PLCB4: variants seen among roughly 807,000 people sequenced by gnomAD.
The protein encoded by PLCB4 is phospholipase C beta 4.
A neutral mutation model predicts 178.8 loss-of-function variants in PLCB4; 77 were observed. The observed-to-expected ratio is 0.43, with a 90% CI of 0.36 to 0.52. PLCB4 has a LOEUF of 0.52. Ranked by LOEUF, PLCB4 falls within the 20% of genes least tolerant of loss-of-function variation. PLCB4 has a pLI of 0.00. For missense variants in PLCB4, 1,024 were observed against 1,453.4 expected (o/e 0.70, Z 4.80); for synonymous variants, 496 against 490.8 (o/e 1.01, Z -0.14).
At chr20:9,187,453 G>A (rs1459889486) in intron 2 of PLCB4, among the ~76,000 whole-genome samples, 1 of 152,116 alleles carries the variant, frequency 6.6e-6, no homozygotes, top group Non-Finnish European at 1.5e-5. Context: ...TTTTCGTGGT[G>A]TGCGTTGCTT....
chr20:9,434,647 A>G (rs2041650129), intron 28 of PLCB4, among the ~76,000 whole-genome samples: 1 of 152,234 alleles, frequency 6.6e-6, no homozygotes, highest in East Asian at 1.9e-4. Context: ...AAGTACTGGG[A>G]TTACCGGCGT....
rs569987982 is a variant in PLCB4, at chr20:9,470,384, G to A, written c.3350+1712G>A. Among the ~76,000 whole-genome samples, 299 of 151,606 alleles carry A rather than the reference G, an allele frequency of 2.0e-3. 1 individual carries two copies. Among genetic ancestry groups the A allele is most frequent in the Admixed American group, 3.3e-3 (50 of 15,206 alleles). On this transcript the variant is annotated intron_variant, in intron 36 of 39. Coordinates refer to ENST00000378473, the MANE Select transcript of PLCB4 (RefSeq NM_001377142.1). Reference sequence around the variant, plus strand: ...TTCTCTGGATGTTATTCTCAGATAAGCAACTTTGTTTAAGGGCCTTATATA... The same window carrying A: ...TTCTCTGGATGTTATTCTCAGATAAACAACTTTGTTTAAGGGCCTTATATA...
At chr20:9,135,010 G>C (rs1166259700) in intron 2 of PLCB4, among the ~76,000 whole-genome samples, 1 of 152,004 alleles carries the variant, frequency 6.6e-6, no homozygotes, top group Admixed American at 6.6e-5. Flanking sequence ...GAAGATAATA[G>C]CTTTCAAGGC....
intron 2 of PLCB4, among the ~76,000 whole-genome samples, chr20:9,204,739 T>C (rs371105455): frequency 2.0e-5 from 3 of 152,118 alleles, no homozygotes; most frequent in African/African-American, 7.2e-5. Context: ...TTAAAGAGAC[T>C]GCCACTGGAT....
chr20:9,452,119 T>C (rs1334111054), intron 32 of PLCB4, among the ~76,000 whole-genome samples: 2 of 152,256 alleles, frequency 1.3e-5, no homozygotes, highest in Non-Finnish European at 2.9e-5. Flanking sequence ...ACAAGAATGC[T>C]GAGGCCTTGT....
intron 2 of PLCB4, among the ~76,000 whole-genome samples, chr20:9,209,121 A>C (rs2093645349): frequency 6.6e-6 from 1 of 152,120 alleles, no homozygotes; most frequent in African/African-American, 2.4e-5. Context: ...TAGTTTCATA[A>C]GATTTAGTTT....
At chr20:9,101,492 G>A (rs750799013) in intron 2 of PLCB4, among the ~76,000 whole-genome samples, 8 of 152,110 alleles carry the variant, frequency 5.3e-5, no homozygotes, top group Non-Finnish European at 1.2e-4. Flanking sequence ...GAAAGATGGA[G>A]CATAAATTAT....
At chr20:9,279,861 A>C (rs2094479337) in intron 3 of PLCB4, among the ~76,000 whole-genome samples, 1 of 152,054 alleles carries the variant, frequency 6.6e-6, no homozygotes, top group South Asian at 2.1e-4. Context: ...CATTTAAAAT[A>C]ATACTACCAG....
intron 28 of PLCB4, among the ~76,000 whole-genome samples, chr20:9,435,148 TATC>T (rs2041681356): frequency 6.6e-6 from 1 of 152,222 alleles, no homozygotes; most frequent in Non-Finnish European, 1.5e-5. Flanking sequence ...CTCATTGAAT[TATC>T]ATGATTATTC....
Position 9,386,323 on chromosome 20 carries a change from T to C in PLCB4, c.1065-1140T>C, listed in dbSNP as rs187275360. ...TTTATTTGATGTAAAAGTTCAAAAA[T>C]TTAGTTCTCTGAGAGTAGAAATTAT... On this transcript the variant is annotated intron_variant, in intron 14 of 39. Coordinates refer to ENST00000378473, the MANE Select transcript of PLCB4 (RefSeq NM_001377142.1). Among the ~76,000 whole-genome samples, 32 of 152,280 alleles carry C rather than the reference T, an allele frequency of 2.1e-4. No homozygotes were observed. The East Asian group carries it at 5.6e-3, about 27-fold the overall frequency.
chr20:9,179,132 A>C (rs1295016555), intron 2 of PLCB4, among the ~76,000 whole-genome samples: 1 of 152,192 alleles, frequency 6.6e-6, no homozygotes, highest in African/African-American at 2.4e-5. Context: ...ATTATGGGTA[A>C]TGGGATATCA....
intron 2 of PLCB4, among the ~76,000 whole-genome samples, chr20:9,116,809 G>A (rs532996580): frequency 2.0e-5 from 3 of 152,144 alleles, no homozygotes; most frequent in East Asian, 3.9e-4. Flanking sequence ...TTAACATATC[G>A]AGTCTACCCA....
At chr20:9,372,465 A>G in intron 11 of PLCB4, 62 bp downstream of exon 11, 1 of 828,996 alleles carries the variant, frequency 1.2e-6, no homozygotes, top group Non-Finnish European at 2.0e-6. Context: ...CGATTTTTTA[A>G]AACGTTTTTG....
chr20:9,242,529 C>A (rs763900711), intron 3 of PLCB4, among the ~76,000 whole-genome samples: 1 of 152,204 alleles, frequency 6.6e-6, no homozygotes, highest in African/African-American at 2.4e-5. Context: ...CCAATATAAG[C>A]AATGGCTGGA....
intron 2 of PLCB4, among the ~76,000 whole-genome samples, chr20:9,175,321 A>G (rs2093136305): frequency 6.6e-6 from 1 of 152,160 alleles, no homozygotes; most frequent in Non-Finnish European, 1.5e-5. Flanking sequence ...CATTCTCTAG[A>G]TCAGTTTATG....
At chr20:9,126,881 G>A (rs1010781419) in intron 2 of PLCB4, among the ~76,000 whole-genome samples, 2 of 150,246 alleles carry the variant, frequency 1.3e-5, no homozygotes, top group African/African-American at 4.9e-5. Context: ...CCTTATGATA[G>A]ATTTTTCTAT....
chr20:9,452,984 G>T (rs2042857781), intron 32 of PLCB4, among the ~76,000 whole-genome samples: 1 of 152,204 alleles, frequency 6.6e-6, no homozygotes, highest in African/African-American at 2.4e-5. Flanking sequence ...TGTGGAAGGG[G>T]CAGTAGGCTA....
intron 2 of PLCB4, among the ~76,000 whole-genome samples, chr20:9,165,288 T>C (rs2092951195): frequency 6.6e-6 from 1 of 152,250 alleles, no homozygotes; most frequent in South Asian, 2.1e-4. Flanking sequence ...TTCCATTCGC[T>C]ATACTTTCAT....
intron 9 of PLCB4, among the ~76,000 whole-genome samples, chr20:9,366,590 G>A (rs2035806968): frequency 6.6e-6 from 1 of 152,158 alleles, no homozygotes; most frequent in Admixed American, 6.5e-5. Context: ...TCTGGGTACA[G>A]TTGGAAACTC....
Sources: allele counts gnomAD v4.1 joint callset (sites outside exome capture counted in the v4.1 genomes callset), GRCh38; gene constraint gnomAD v4.1.1; transcripts MANE v1.5; gene names NCBI Gene and HGNC (gene_info 2026-07-23, HGNC 2026-07-21).